The following COBLL1 variants were observed in gnomAD, a reference collection of about 807,000 sequenced individuals.
COBLL1 encodes cordon-bleu protein-like 1.
In COBLL1, 50 loss-of-function variants were observed where a neutral mutation model predicts 94.8. The observed-to-expected ratio is 0.53, with a 90% CI of 0.42 to 0.67. The LOEUF (loss-of-function observed/expected upper bound fraction) is 0.67. Among genes scored for constraint, COBLL1 ranks in the 30% least tolerant of loss-of-function variants. The probability of loss-of-function intolerance (pLI) is 0.00; values close to 1 mark genes in which losing one functional copy is unlikely to be tolerated. For synonymous variants in COBLL1, 448 were observed against 473.8 expected (o/e 0.95, Z 0.71); for missense variants, 1,362 against 1,348.7 (o/e 1.01, Z -0.15).
At chr2:164,697,591 T>C (rs1012929622) in intron 11 of COBLL1, 1 of 152,134 alleles carries the variant, frequency 6.6e-6, no homozygotes, top group Non-Finnish European at 1.5e-5. Context: ...TTCCCAGAAA[T>C]ATTTTCCAAA....
At chr2:164,735,772 T>C (rs1686273089) in intron 3 of COBLL1, among the ~76,000 whole-genome samples, 1 of 151,878 alleles carries the variant, frequency 6.6e-6, no homozygotes, top group Admixed American at 6.7e-5. Context: ...TTGATGCACC[T>C]GAAGGCAGTT....
chr2:164,687,261 G>C (rs866397129), intron 13 of COBLL1: 12 of 507,892 alleles, frequency 2.4e-5, no homozygotes, highest in South Asian at 2.0e-4. Context: ...TTAGTATTAA[G>C]AGGGGAAGCA....
intron 1 of COBLL1, among the ~76,000 whole-genome samples, chr2:164,669,304 T>C (rs1221271396): frequency 6.6e-6 from 1 of 152,092 alleles, no homozygotes; most frequent in African/African-American, 2.4e-5. Context: ...CCTGGTAATA[T>C]AAAAAAACAC....
At chr2:164,718,726 C>T (rs780862819) in intron 7 of COBLL1, among the ~76,000 whole-genome samples, 22 of 152,116 alleles carry the variant, frequency 1.4e-4, no homozygotes, top group Non-Finnish European at 2.6e-4. Context: ...AAAGATTATT[C>T]TGCGCTGGCA....
At chr2:164,700,867 T>C in intron 9 of COBLL1, 111 bp from the exon 10 acceptor site, 1 of 680,586 alleles carries the variant, frequency 1.5e-6, no homozygotes. Flanking sequence ...CTCTTTTAAA[T>C]TCTGCCTCAA....
At chr2:164,689,968 AT>A (rs1266469684) in intron 13 of COBLL1, among the ~76,000 whole-genome samples, 1 of 152,148 alleles carries the variant, frequency 6.6e-6, no homozygotes, top group Non-Finnish European at 1.5e-5. Flanking sequence ...GTCAAACTTT[AT>A]GCATATATAT....
At chr2:164,788,895 T>C (rs1683019373) in intron 2 of COBLL1, among the ~76,000 whole-genome samples, 1 of 149,370 alleles carries the variant, frequency 6.7e-6, no homozygotes, top group South Asian at 2.1e-4. Context: ...TACAGAGTAG[T>C]AGAAAAGGGT....
At chr2:164,719,228 T>G (rs1310906437) in intron 7 of COBLL1, among the ~76,000 whole-genome samples, 2 of 152,140 alleles carry the variant, frequency 1.3e-5, no homozygotes, top group African/African-American at 2.4e-5. Flanking sequence ...AAGATGAACT[T>G]GAGCTTTTCA....
At position 164,684,741 on chromosome 2, in the gene COBLL1, A is replaced by G. The variant is rs1241743047; in HGVS notation, c.*1205T>C. 6.6e-6 allele frequency: 1 copy of G among 152,138 alleles called. No homozygotes were observed. Among genetic ancestry groups the G allele is most frequent in the African/African-American group, 2.4e-5 (1 of 41,458 alleles). The allele number at this position is 152,138 out of a possible 1,614,324, so 9.4% of individuals were successfully genotyped here. ...ATAAATATGCTGGTTGACACAAACT[A>G]TATATTTTAAAAAGCACCCCAAATA... is the stretch of plus-strand genomic sequence containing the variant. On this transcript the variant is annotated 3_prime_UTR_variant, in exon 14 of 14. Transcript: ENST00000652658.
intron 2 of COBLL1, among the ~76,000 whole-genome samples, chr2:164,816,763 GTTCA>G: frequency 6.6e-6 from 1 of 152,172 alleles, no homozygotes; most frequent in Middle Eastern, 3.4e-3. Flanking sequence ...CTAAGTAGAG[GTTCA>G]TTATTAGTTA....
chr2:164,814,037 G>GGAAT (rs1421478799), intron 2 of COBLL1, among the ~76,000 whole-genome samples: 1 of 152,030 alleles, frequency 6.6e-6, no homozygotes, highest in Non-Finnish European at 1.5e-5. Context: ...ACAGGCACAA[G>GGAAT]GAATGCTACT....
intron 1 of COBLL1, among the ~76,000 whole-genome samples, chr2:164,669,095 G>A (rs946420115): frequency 2.6e-5 from 4 of 152,150 alleles, no homozygotes; most frequent in African/African-American, 9.7e-5. Flanking sequence ...TTTATCATTT[G>A]TTCGTCTTGT....
downstream of COBLL1, among the ~76,000 whole-genome samples, chr2:164,676,694 C>G (rs542210936): frequency 2.1e-3 from 313 of 151,828 alleles, 2 homozygotes; most frequent in South Asian, 0.022. Context: ...TTTTTCCCCC[C>G]CTTTTTCTGC....
intron 2 of COBLL1, among the ~76,000 whole-genome samples, chr2:164,751,642 G>A (rs564479331): frequency 2.6e-5 from 4 of 152,080 alleles, no homozygotes; most frequent in African/African-American, 7.2e-5. Flanking sequence ...GCCCCAAAGC[G>A]CATAGAACAT....
chr2:164,745,389 G>A (rs937560520), intron 2 of COBLL1, among the ~76,000 whole-genome samples: 5 of 152,162 alleles, frequency 3.3e-5, no homozygotes, highest in Middle Eastern at 3.2e-3. Flanking sequence ...AAAAGCTTAT[G>A]AAAATCCCTG....
At chr2:164,722,345 T>G in intron 6 of COBLL1, 34 bp from the exon 7 acceptor site, 1 of 1,566,656 alleles carries the variant, frequency 6.4e-7, no homozygotes, top group East Asian at 2.3e-5. Flanking sequence ...AATCTAGTAA[T>G]TTCAAGATAT....
At chr2:164,839,861 G>GGGGAA (rs1196439117) in intron 2 of COBLL1, among the ~76,000 whole-genome samples, 2 of 152,140 alleles carry the variant, frequency 1.3e-5, no homozygotes, top group Non-Finnish European at 2.9e-5. Context: ...TGAAAAACCT[G>GGGGAA]GGGAAAGAAA....
chr2:164,803,100 T>A (rs1683896659), intron 2 of COBLL1, among the ~76,000 whole-genome samples: 1 of 152,222 alleles, frequency 6.6e-6, no homozygotes, highest in Non-Finnish European at 1.5e-5. Context: ...TCTTCTGGAA[T>A]GTAAACTTGG....
At chr2:164,691,787 G>T (rs948785449) in intron 13 of COBLL1, among the ~76,000 whole-genome samples, 6 of 151,578 alleles carry the variant, frequency 4.0e-5, no homozygotes, top group Non-Finnish European at 8.8e-5. Flanking sequence ...CTTTTTTTTG[G>T]TTTAACCTAT....
Sources: allele counts gnomAD v4.1 joint callset (sites outside exome capture counted in the v4.1 genomes callset), GRCh38; gene constraint gnomAD v4.1.1; transcripts MANE v1.5; gene names NCBI Gene and HGNC (gene_info 2026-07-23, HGNC 2026-07-21).